Variants in ANKRD36C observed in about 807,000 individuals in gnomAD.
ANKRD36C encodes the protein ankyrin repeat domain-containing protein 36C.
ANKRD36C carries 61 observed loss-of-function variants against 276.4 expected under a neutral mutation model. The observed-to-expected ratio is 0.22, with a 90% confidence interval of 0.18 to 0.27. ANKRD36C has a LOEUF of 0.27. Among genes scored for constraint, ANKRD36C ranks in the 10% least tolerant of loss-of-function variants. The pLI is 1.00. For synonymous variants in ANKRD36C, 483 were observed against 680.1 expected (o/e 0.71, Z 4.51); for missense variants, 1,447 against 2,032.3 (o/e 0.71, Z 5.54).
chr2:95,989,961 C>A (rs890551857), intron 1 of ANKRD36C, among the ~76,000 whole-genome samples: 18 of 152,048 alleles, frequency 1.2e-4, no homozygotes, highest in Admixed American at 5.9e-4. Context: ...TTGAAGAATT[C>A]TCTGTAAAAT....
chr2:95,887,295 A>T (rs1232891828), intron 50 of ANKRD36C, among the ~76,000 whole-genome samples: 1 of 151,470 alleles, frequency 6.6e-6, no homozygotes, highest in Non-Finnish European at 1.5e-5. Flanking sequence ...GTTTATCCCA[A>T]TTCTAGCATT....
At chr2:95,920,967 C>T (rs1482820682) in intron 34 of ANKRD36C, among the ~76,000 whole-genome samples, 5 of 150,146 alleles carry the variant, frequency 3.3e-5, no homozygotes, top group Admixed American at 6.6e-5. Flanking sequence ...GTGCTTTATC[C>T]CAATTCTAGC....
intron 24 of ANKRD36C, among the ~76,000 whole-genome samples, chr2:95,929,775 A>G (rs1264032577): frequency 2.0e-5 from 3 of 151,454 alleles, no homozygotes; most frequent in East Asian, 3.9e-4. Context: ...TCTTCAGTGG[A>G]AGTGTCCTAA....
rs199753337 is a variant in ANKRD36C, at chr2:95,914,230, G to T, written c.2478+45C>A. On this transcript the variant is annotated intron_variant, in intron 39 of 66. Transcript: ENST00000456556. The stretch of plus-strand genomic sequence containing the variant: ...ATAAGTTAATAAAGTATGTTTCATA[G>T]ACTATGCATTTACTAGGTCACAATA... The T allele has an allele frequency of 6.6e-5, 103 of 1,559,012 alleles. 1 individual carries two copies. In the East Asian group the frequency reaches 2.4e-3, roughly 36 times the overall value.
intron 6 of ANKRD36C, among the ~76,000 whole-genome samples, chr2:95,975,525 G>T (rs987189748): frequency 2.0e-5 from 3 of 152,172 alleles, no homozygotes; most frequent in Non-Finnish European, 4.4e-5. Flanking sequence ...AAGCAATGGG[G>T]AAAGGATTCC....
downstream of ANKRD36C, among the ~76,000 whole-genome samples, chr2:95,849,882 C>T (rs1288505167): frequency 6.6e-6 from 1 of 152,194 alleles, no homozygotes; most frequent in Non-Finnish European, 1.5e-5. Flanking sequence ...AAGCTTCACT[C>T]GCTTGCCTGC....
intron 61 of ANKRD36C, 111 bp downstream of exon 81, chr2:95,859,750 C>G (rs372904125): frequency 1.6e-6 from 2 of 1,255,212 alleles, no homozygotes; most frequent in African/African-American, 3.0e-5. Flanking sequence ...GATTAAGAAG[C>G]TTTCTTCCCT....
At chr2:95,946,718 C>T (rs374149088) in intron 17 of ANKRD36C, among the ~76,000 whole-genome samples, 1 of 151,970 alleles carries the variant, frequency 6.6e-6, no homozygotes, top group Non-Finnish European at 1.5e-5. Context: ...CCATGGAATA[C>T]TATGCAGCCA....
intron 42 of ANKRD36C, 75 bp from the exon 53 acceptor site, chr2:95,903,156 G>T (rs1407423671): frequency 6.5e-7 from 1 of 1,528,050 alleles, no homozygotes; most frequent in African/African-American, 1.4e-5. Context: ...TGCAGTGTTA[G>T]CATCAACCTC....
chr2:95,852,570 T>C lies in ANKRD36C; in HGVS notation c.5149-374A>G, dbSNP rs538870139. On this transcript the variant is annotated intron_variant, in intron 64 of 66. Coordinates refer to ENST00000456556, the Ensembl canonical transcript of ANKRD36C. ...ACATTCTTCTTGCTTTTGAATTACA[T>C]TTTATCAGTTAAATACTCAAACTTA... 1.7e-3 allele frequency: 300 copies of C among 180,722 alleles called. 1 individual carries two copies. Among genetic ancestry groups the C allele is most frequent in the Non-Finnish European group, 2.9e-3 (249 of 86,028 alleles). The allele number at this position is 180,722 out of a possible 1,614,324, so 11.2% of individuals were successfully genotyped here.
chr2:95,871,492 G>A (rs559343475), intron 59 of ANKRD36C, among the ~76,000 whole-genome samples: 2 of 152,114 alleles, frequency 1.3e-5, no homozygotes, highest in East Asian at 3.9e-4. Flanking sequence ...CACCAGGCCT[G>A]CCCTAAAAGA....
chr2:95,986,799 C>A (rs1679036611), exon 3 of ANKRD36C: 2 of 1,611,780 alleles, frequency 1.2e-6, no homozygotes, highest in Non-Finnish European at 1.7e-6. Context: ...GTTTTTCTAT[C>A]ATGGATGTAT....
intron 48 of ANKRD36C, 108 bp from the exon 69 acceptor site, chr2:95,888,228 T>G (rs966630099): frequency 7.6e-5 from 117 of 1,546,316 alleles, no homozygotes; most frequent in Non-Finnish European, 9.5e-5. Context: ...TGTATTAGTA[T>G]AGGCTTTGAT....
At chr2:95,886,669 C>G (rs987544818) in intron 50 of ANKRD36C, among the ~76,000 whole-genome samples, 11 of 151,716 alleles carry the variant, frequency 7.3e-5, no homozygotes, top group Admixed American at 5.3e-4. Context: ...ATTCAACATG[C>G]TCTTTAACTT....
intron 6 of ANKRD36C, among the ~76,000 whole-genome samples, chr2:95,973,563 A>T (rs2104524919): frequency 6.6e-6 from 1 of 152,314 alleles, no homozygotes; most frequent in South Asian, 2.1e-4. Context: ...TTTTTTCTTA[A>T]GTTCTTATAA....
intron 17 of ANKRD36C, among the ~76,000 whole-genome samples, chr2:95,947,176 A>G (rs1348193437): frequency 6.6e-6 from 1 of 152,162 alleles, no homozygotes; most frequent in Non-Finnish European, 1.5e-5. Flanking sequence ...ATATTAGAAA[A>G]CACGCTGTAT....
chr2:95,941,310 G>C (rs1677885481), intron 19 of ANKRD36C, 111 bp from the exon 20 acceptor site: 1 of 1,210,312 alleles, frequency 8.3e-7, no homozygotes, highest in Non-Finnish European at 1.1e-6. Context: ...GTCTATACTG[G>C]AAAATCTGAT....
At chr2:95,858,548 TACTC>T (rs1219595678) in intron 61 of ANKRD36C, among the ~76,000 whole-genome samples, 2 of 152,186 alleles carry the variant, frequency 1.3e-5, no homozygotes, top group Non-Finnish European at 2.9e-5. Flanking sequence ...ACACAGTAAT[TACTC>T]CTCAATTAGG....
chr2:95,970,647 A>T (rs577347603), intron 6 of ANKRD36C, among the ~76,000 whole-genome samples: 92 of 152,324 alleles, frequency 6.0e-4, no homozygotes, highest in South Asian at 1.9e-3. Context: ...ATGATGGAGA[A>T]CCTAGTTATA....
Sources: allele counts gnomAD v4.1 joint callset (sites outside exome capture counted in the v4.1 genomes callset), GRCh38; gene constraint gnomAD v4.1.1; transcripts MANE v1.5; gene names NCBI Gene and HGNC (gene_info 2026-07-23, HGNC 2026-07-21).